The following THADA variants were observed in gnomAD, a reference collection of about 807,000 sequenced individuals.
The protein encoded by THADA is tRNA (32-2'-O)-methyltransferase regulator THADA.
Under a neutral mutation model 219.8 loss-of-function variants are expected in THADA, and 213 were observed. That is an observed-to-expected ratio of 0.97 (90% CI 0.87 to 1.09). The LOEUF (loss-of-function observed/expected upper bound fraction) is 1.09, where lower values mean the gene tolerates loss of function less well. Among genes scored for constraint, THADA ranks in the 50% least tolerant of loss-of-function variants. The pLI is 0.00. For missense variants in THADA, 2,956 were observed against 2,311.3 expected, an observed-to-expected ratio of 1.28 and a Z score of -5.72; for synonymous variants, 1,018 against 828.9, an observed-to-expected ratio of 1.23 and a Z score of -3.92.
intron 34 of THADA, among the ~76,000 whole-genome samples, chr2:43,289,272 A>G (rs984338205): frequency 6.6e-6 from 1 of 152,216 alleles, no homozygotes; most frequent in East Asian, 1.9e-4. Flanking sequence ...CACTTTTTCT[A>G]GAACAGGGAC....
chr2:43,459,836 G>C (rs1683417697), intron 26 of THADA, among the ~76,000 whole-genome samples: 1 of 152,118 alleles, frequency 6.6e-6, no homozygotes. Context: ...TTAAAAAACT[G>C]AGTTTGCCTA....
At chr2:43,516,407 A>T (rs1196531790) in intron 22 of THADA, among the ~76,000 whole-genome samples, 1 of 152,038 alleles carries the variant, frequency 6.6e-6, no homozygotes, top group Non-Finnish European at 1.5e-5. Context: ...CTCCAGTCAT[A>T]ATTGGTTTAC....
At chr2:43,554,548 A>C (rs993280284) in intron 17 of THADA, among the ~76,000 whole-genome samples, 1 of 152,212 alleles carries the variant, frequency 6.6e-6, no homozygotes, top group Non-Finnish European at 1.5e-5. Context: ...AATGGCTTGT[A>C]AACATGGGAA....
intron 21 of THADA, among the ~76,000 whole-genome samples, chr2:43,532,825 T>C (rs1023521031): frequency 3.9e-5 from 6 of 152,136 alleles, no homozygotes; most frequent in Non-Finnish European, 7.4e-5. Flanking sequence ...ATTCACGACA[T>C]AGGCATGGGC....
At chr2:43,294,669 T>C (rs1238896184) in intron 31 of THADA, among the ~76,000 whole-genome samples, 1 of 152,160 alleles carries the variant, frequency 6.6e-6, no homozygotes, top group South Asian at 2.1e-4. Flanking sequence ...AGTGCTCTTA[T>C]CGTTGAGGAG....
Position 43,292,150 on chromosome 2 carries a change from G to T in THADA, c.4891C>A (p.Pro1631Thr). The change falls in exon 33 of 38, where the codon CCA (proline) becomes ACA (threonine). Residue 1631 changes from proline to threonine, a missense_variant. Coordinates refer to ENST00000405975, the MANE Select transcript of THADA (RefSeq NM_022065.5). ...ATCGTCCAGATCAAGAACTCCTTTG[G>T]GGTCAGATGGACACAGTGCTCCGTC... ...PQTEHCVHLT[P>T]KEFLIWTMDI... 1.2e-6 allele frequency: 2 copies of T among 1,611,964 alleles called. No individual in the cohort carries two copies. The highest frequency in any genetic ancestry group is 1.7e-6 in the Non-Finnish European group (2 of 1,179,166).
intron 26 of THADA, among the ~76,000 whole-genome samples, chr2:43,473,488 C>CT (rs1220352059): frequency 3.3e-5 from 5 of 151,334 alleles, no homozygotes; most frequent in South Asian, 4.2e-4. Flanking sequence ...TTACAGTTAA[C>CT]TTTTTTTTTA....
chr2:43,441,952 G>A (rs763792237), intron 26 of THADA, among the ~76,000 whole-genome samples: 14 of 152,166 alleles, frequency 9.2e-5, no homozygotes, highest in Non-Finnish European at 2.1e-4. Flanking sequence ...GAGATACTAA[G>A]AGTAAAAGAG....
chr2:43,323,048 A>G (rs1678929494), intron 30 of THADA, among the ~76,000 whole-genome samples: 1 of 151,676 alleles, frequency 6.6e-6, no homozygotes, highest in South Asian at 2.1e-4. Context: ...CTTACTATAT[A>G]CTCGGTTCTG....
chr2:43,426,777 CTT>C (rs1245405478), intron 28 of THADA, among the ~76,000 whole-genome samples: 3 of 152,168 alleles, frequency 2.0e-5, no homozygotes, highest in African/African-American at 7.2e-5. Flanking sequence ...GAAATACTCT[CTT>C]GAGTTTGGTT....
chr2:43,544,706 G>C (rs1291242452), intron 20 of THADA, among the ~76,000 whole-genome samples: 142 of 151,476 alleles, frequency 9.4e-4, no homozygotes, highest in Middle Eastern at 3.4e-3. Flanking sequence ...GAATGCTTGT[G>C]ATTTTTGTAC....
At chr2:43,538,866 C>T (rs529364455) in intron 21 of THADA, among the ~76,000 whole-genome samples, 6 of 152,188 alleles carry the variant, frequency 3.9e-5, no homozygotes, top group Non-Finnish European at 8.8e-5. Flanking sequence ...TCTCCCCACA[C>T]AGCAACAAAA....
chr2:43,418,596 G>A (rs899631478), intron 28 of THADA, among the ~76,000 whole-genome samples: 1 of 152,174 alleles, frequency 6.6e-6, no homozygotes, highest in Non-Finnish European at 1.5e-5. Context: ...TGTGAGACAT[G>A]CAGAAGAAGC....
intron 26 of THADA, among the ~76,000 whole-genome samples, chr2:43,467,219 G>A (rs1684370059): frequency 5.4e-5 from 8 of 149,250 alleles, no homozygotes; most frequent in Admixed American, 5.3e-4. Flanking sequence ...CCACGGGGAT[G>A]CTGCTTGGCA....
chr2:43,386,147 A>G (rs1482138101), intron 29 of THADA, among the ~76,000 whole-genome samples: 1 of 152,134 alleles, frequency 6.6e-6, no homozygotes, highest in Non-Finnish European at 1.5e-5. Context: ...ACTAATTAAT[A>G]AGGAAAAAAA....
At chr2:43,487,625 G>A (rs780453385) in intron 25 of THADA, among the ~76,000 whole-genome samples, 8 of 152,168 alleles carry the variant, frequency 5.3e-5, no homozygotes, top group Non-Finnish European at 8.8e-5. Context: ...AACCTCCAAG[G>A]AGTTAGGTGG....
chr2:43,370,736 T>A (rs911672424), intron 29 of THADA, among the ~76,000 whole-genome samples: 1 of 152,188 alleles, frequency 6.6e-6, no homozygotes, highest in South Asian at 2.1e-4. Context: ...TTCTAAAGGA[T>A]GAAACTACTC....
At chr2:43,352,237 G>T (rs1049232984) in intron 29 of THADA, among the ~76,000 whole-genome samples, 5 of 152,166 alleles carry the variant, frequency 3.3e-5, no homozygotes, top group African/African-American at 1.2e-4. Context: ...AGATCAACAA[G>T]AAACTCTTAA....
At chr2:43,534,736 A>C (rs746537137) in intron 21 of THADA, among the ~76,000 whole-genome samples, 1 of 152,152 alleles carries the variant, frequency 6.6e-6, no homozygotes, top group Non-Finnish European at 1.5e-5. Flanking sequence ...ACCCAGGTTG[A>C]TTACGTACCT....
Sources: allele counts gnomAD v4.1 joint callset (sites outside exome capture counted in the v4.1 genomes callset), GRCh38; gene constraint gnomAD v4.1.1; transcripts MANE v1.5; gene names NCBI Gene and HGNC (gene_info 2026-07-23, HGNC 2026-07-21).